Variants in UBTD1 observed in about 807,000 individuals in gnomAD.
UBTD1 encodes ubiquitin domain containing 1, also known as ubiquitin domain-containing protein 1.
In UBTD1, 19 loss-of-function variants were observed where a neutral mutation model predicts 21.7. The ratio of observed to expected loss-of-function variants is 0.87; its 90% confidence interval spans 0.61 to 1.28. The LOEUF (loss-of-function observed/expected upper bound fraction) is 1.28, where lower values mean the gene tolerates loss of function less well. UBTD1 is among the 50% of genes most tolerant of loss of function. The probability of loss-of-function intolerance (pLI) is 0.00; values close to 1 mark genes in which losing one functional copy is unlikely to be tolerated. For missense variants in UBTD1, 282 were observed against 315.1 expected (o/e 0.89, Z 0.80); for synonymous variants, 116 against 135.1 (o/e 0.86, Z 0.98).
chr10:97,567,964 C>G lies in UBTD1; in HGVS notation c.121C>G (p.Pro41Ala). The G allele has an allele frequency of 6.2e-7, 1 of 1,614,158 alleles. No individual in the cohort carries two copies. ...GCGGCTTAAGTGGAAGAGCGACTAC[C>G]CCATGACTGACGGGCAGCTGCGGAG... ...KERLKWKSDY[P>A]MTDGQLRSKR... The change falls in exon 2 of 3, where the codon CCC becomes GCC. Residue 41 changes from proline to alanine, a missense_variant. Pro to Ala is a conservative substitution (Grantham distance 27, BLOSUM62 -1). Coordinates refer to ENST00000370664, the MANE Select transcript of UBTD1 (RefSeq NM_024954.5).
chr10:97,541,717 G>A (rs1409745748), intron 1 of UBTD1, among the ~76,000 whole-genome samples: 1 of 150,326 alleles, frequency 6.7e-6, no homozygotes, highest in African/African-American at 2.5e-5. Context: ...GTTAGACCTA[G>A]GTCCTCTCTG....
rs1308699606 is a variant in UBTD1 at position 97,570,134 on chromosome 10, A to G, written c.299-4A>G. On this transcript the variant is annotated splice_region_variant and splice_polypyrimidine_tract_variant and intron_variant, in intron 2 of 2. Transcript: ENST00000370664. This position sits in a 1 kb window ranked among gnomAD's most constrained non-coding sequence, Gnocchi z 6.6. ...TGACTCTGACAGCCCTGCCTCTCCT[A>G]CAGGCACCCTCTGTGAATGCTACGA... 1.3e-6 allele frequency: 2 copies of G among 1,598,254 alleles called. No individual in the cohort carries two copies. The highest frequency in any genetic ancestry group is 1.7e-5 in the Admixed American group (1 of 59,646).
At chr10:97,504,667 G>C (rs2040391174) in intron 1 of UBTD1, among the ~76,000 whole-genome samples, 1 of 152,194 alleles carries the variant, frequency 6.6e-6, no homozygotes, top group African/African-American at 2.4e-5. Context: ...TGTTCACTCT[G>C]TGATACCAAG....
At chr10:97,522,909 G>A (rs879371746) in intron 1 of UBTD1, among the ~76,000 whole-genome samples, 14 of 152,052 alleles carry the variant, frequency 9.2e-5, no homozygotes, top group Non-Finnish European at 1.5e-4. Flanking sequence ...TCCTGCCTGC[G>A]TCTCCTTTAG....
intron 1 of UBTD1, among the ~76,000 whole-genome samples, chr10:97,547,127 C>G (rs975335582): frequency 6.6e-6 from 1 of 152,192 alleles, no homozygotes; most frequent in African/African-American, 2.4e-5. Flanking sequence ...GCAGTTGACA[C>G]CCAGTGGGAC....
chr10:97,563,648 TA>T (rs2040704183), intron 1 of UBTD1, among the ~76,000 whole-genome samples: 1 of 152,072 alleles, frequency 6.6e-6, no homozygotes, highest in African/African-American at 2.4e-5. Flanking sequence ...AGTGGCGGAT[TA>T]GGGGTAGTAC....
intron 1 of UBTD1, among the ~76,000 whole-genome samples, chr10:97,501,933 A>G (rs1195271436): frequency 1.3e-5 from 2 of 152,228 alleles, no homozygotes; most frequent in East Asian, 3.9e-4. Flanking sequence ...CACATTATCT[A>G]TGCCACTTAC....
chr10:97,526,035 A>T (rs934926930), intron 1 of UBTD1, among the ~76,000 whole-genome samples: 1 of 152,166 alleles, frequency 6.6e-6, no homozygotes. Context: ...CAGAGTGGGG[A>T]GAGAGTGCCA....
chr10:97,561,540 A>G (rs923199113), intron 1 of UBTD1, among the ~76,000 whole-genome samples: 2 of 152,144 alleles, frequency 1.3e-5, no homozygotes, highest in African/African-American at 4.8e-5. Context: ...CAGGGGATGC[A>G]TGCACCGGTG....
chr10:97,521,429 C>T (rs746836793), intron 1 of UBTD1, among the ~76,000 whole-genome samples: 17 of 152,178 alleles, frequency 1.1e-4, no homozygotes, highest in African/African-American at 2.2e-4. Flanking sequence ...GACGTGGGAA[C>T]GGGCTGCCTC....
Position 97,570,203 on chromosome 10 carries a change from C to T in UBTD1, c.364C>T (p.Pro122Ser). The change falls in exon 3 of 3, where the codon CCG becomes TCG. Residue 122 changes from proline to serine, a missense_variant. By Grantham distance (74) the Pro-to-Ser change is moderately conservative. Coordinates refer to ENST00000370664, the MANE Select transcript of UBTD1 (RefSeq NM_024954.5). This position sits in a 1 kb window ranked among gnomAD's most constrained non-coding sequence, Gnocchi z 6.6. ...RYQLPIYCLS[P>S]PVNLLLEHTE... Reference sequence around the variant, plus strand: ...CCAGCTGCCCATCTACTGCCTGTCACCGCCGGTGAACCTGCTGCTGGAGCA... The same window carrying T: ...CCAGCTGCCCATCTACTGCCTGTCATCGCCGGTGAACCTGCTGCTGGAGCA... 6.2e-7 allele frequency: 1 copy of T among 1,613,304 alleles called. No homozygotes were observed. Among genetic ancestry groups the T allele is most frequent in the Non-Finnish European group, 8.5e-7 (1 of 1,179,972 alleles).
intron 1 of UBTD1, among the ~76,000 whole-genome samples, chr10:97,530,408 A>C (rs2040523590): frequency 6.6e-6 from 1 of 152,248 alleles, no homozygotes; most frequent in Non-Finnish European, 1.5e-5. Flanking sequence ...ACTGCACTCC[A>C]GCCTGGGCTA....
At chr10:97,534,668 A>G (rs1268348128) in intron 1 of UBTD1, among the ~76,000 whole-genome samples, 3 of 151,954 alleles carry the variant, frequency 2.0e-5, no homozygotes, top group Admixed American at 1.3e-4. Context: ...TAGAATGTGA[A>G]AGGTCCACTA....
chr10:97,546,335 TC>T (rs34552175), intron 1 of UBTD1, among the ~76,000 whole-genome samples: 2 of 152,020 alleles, frequency 1.3e-5, no homozygotes, highest in South Asian at 4.2e-4. Context: ...ACACCTGTAG[TC>T]CCAGCACTTT....
At chr10:97,506,328 G>A (rs552617488) in intron 1 of UBTD1, among the ~76,000 whole-genome samples, 6 of 152,330 alleles carry the variant, frequency 3.9e-5, no homozygotes, top group East Asian at 3.9e-4. Flanking sequence ...GTGAGGCCAC[G>A]GGGCTTGTGA....
chr10:97,552,393 C>CTT (rs60160152), intron 1 of UBTD1, among the ~76,000 whole-genome samples: 61,733 of 117,618 alleles, frequency 0.52, 18,570 homozygotes, highest in Non-Finnish European at 0.68. Context: ...ATTATACACC[C>CTT]TTTTTTTTTT....
intron 1 of UBTD1, among the ~76,000 whole-genome samples, chr10:97,559,168 G>A (rs748515643): frequency 6.6e-6 from 1 of 152,232 alleles, no homozygotes; most frequent in Non-Finnish European, 1.5e-5. Context: ...GCCCTCGGGG[G>A]CTGACCCACA....
intron 1 of UBTD1, among the ~76,000 whole-genome samples, chr10:97,553,042 CG>C (rs1411971175): frequency 6.6e-6 from 1 of 152,270 alleles, no homozygotes; most frequent in Non-Finnish European, 1.5e-5. Context: ...CTCAGTACCT[CG>C]CAGAGGCGTG....
chr10:97,558,875 T>C (rs2040678119), intron 1 of UBTD1, among the ~76,000 whole-genome samples: 1 of 152,182 alleles, frequency 6.6e-6, no homozygotes, highest in Non-Finnish European at 1.5e-5. Flanking sequence ...CGATGTCTTA[T>C]TATTTTTTTT....
Sources: allele counts gnomAD v4.1 joint callset (sites outside exome capture counted in the v4.1 genomes callset), GRCh38; gene constraint gnomAD v4.1.1; non-coding constraint Gnocchi (gnomAD v3.1); transcripts MANE v1.5; gene names NCBI Gene and HGNC (gene_info 2026-07-23, HGNC 2026-07-21).